The following DSC1 variants were observed in gnomAD, a reference collection of about 807,000 sequenced individuals.
The protein encoded by DSC1 is desmocollin 1, also known as desmocollin-1.
Under a neutral mutation model 98.8 loss-of-function variants are expected in DSC1, and 79 were observed. The ratio of observed to expected loss-of-function variants is 0.80; its 90% confidence interval spans 0.67 to 0.96. The LOEUF is 0.96. DSC1 is among the 50% of genes least tolerant of loss of function. The pLI is 0.00. For missense variants in DSC1, 1,115 were observed against 1,075.9 expected, an observed-to-expected ratio of 1.04 and a Z score of -0.51; for synonymous variants, 405 against 372.1, an observed-to-expected ratio of 1.09 and a Z score of -1.02.
chr18:31,138,916 C>T (rs1376424585), intron 11 of DSC1, among the ~76,000 whole-genome samples: 2 of 151,842 alleles, frequency 1.3e-5, no homozygotes, highest in African/African-American at 2.4e-5. Context: ...GGCAATTTGC[C>T]AAAATTTATG....
At chr18:31,130,871 A>T (rs1235569837) in intron 15 of DSC1, 160 bp from the exon 16 acceptor site, 1 of 1,573,656 alleles carries the variant, frequency 6.4e-7, no homozygotes, top group Non-Finnish European at 8.6e-7. Context: ...ATTGGTCTGT[A>T]TTATAGTCAC....
At position 31,140,170 on chromosome 18, in the gene DSC1, G is replaced by A. The variant is rs757008995; in HGVS notation, c.1392C>T (p.Asp464=). 4 of 1,613,880 alleles carry A rather than the reference G, an allele frequency of 2.5e-6. No individual in the cohort carries two copies. The highest frequency in any genetic ancestry group is 3.4e-6 in the Non-Finnish European group (4 of 1,179,940). The part of the protein sequence containing the change: ...CTTTVTVKII[D]SDEGPECHPP... ...GGTGGCATTCAGGGCCCTCATCACT[G>A]TCTATAATTTTAACGGTGACAGTTG... is the stretch of plus-strand genomic sequence containing the variant. Residue 464 remains aspartate (D), a synonymous_variant, in exon 10 of 16, where the codon GAC becomes GAT. Coordinates refer to ENST00000257198, the MANE Select transcript of DSC1 (RefSeq NM_024421.2).
intron 7 of DSC1, among the ~76,000 whole-genome samples, chr18:31,145,122 T>C (rs2144937299): frequency 6.6e-6 from 1 of 151,926 alleles, no homozygotes; most frequent in African/African-American, 2.4e-5. Flanking sequence ...TTGGATTTTT[T>C]TGGTAGAGAC....
chr18:31,143,824 A>G lies in DSC1; in HGVS notation c.940-33T>C, dbSNP rs760198439. ...AAAGGAAAAAACTACATTAATGAACACTTTTATTTCCTATAACTTGCAATT... is the reference window on the plus strand; with the variant it reads ...AAAGGAAAAAACTACATTAATGAACGCTTTTATTTCCTATAACTTGCAATT... On this transcript the variant is annotated intron_variant, in intron 7 of 15. Transcript: ENST00000257198. 14 of 1,508,200 alleles carry G rather than the reference A, an allele frequency of 9.3e-6. No individual in the cohort carries two copies. The African/African-American group carries it at 1.6e-4, about 17-fold the overall frequency. The allele number at this position is 1,508,200 out of a possible 1,614,324, so 93.4% of individuals were successfully genotyped here.
intron 5 of DSC1, among the ~76,000 whole-genome samples, chr18:31,151,052 T>C (rs1229490994): frequency 1.3e-5 from 2 of 152,228 alleles, no homozygotes; most frequent in African/African-American, 4.8e-5. Context: ...TTAACAAGTC[T>C]CCTTATCCAA....
chr18:31,143,401 G>A (rs1159895993), intron 8 of DSC1, among the ~76,000 whole-genome samples: 1 of 142,572 alleles, frequency 7.0e-6, no homozygotes, highest in Admixed American at 7.3e-5. Flanking sequence ...TAAAATAAAA[G>A]TTTAACACAT....
chr18:31,156,240 A>C, intron 3 of DSC1, 78 bp from the exon 4 acceptor site: 1 of 1,531,974 alleles, frequency 6.5e-7, no homozygotes, highest in African/African-American at 1.4e-5. Flanking sequence ...ACATACATCA[A>C]CAAGCAGATG....
chr18:31,140,820 T>C lies in DSC1; in HGVS notation c.1261-519A>G, dbSNP rs148000223. The stretch of plus-strand genomic sequence containing the variant: ...TGAAAGCGCTTGGTCCTTGATATGG[T>C]TGGCTATGTCCCACCCACATCTCAA... On this transcript the variant is annotated intron_variant, in intron 9 of 15. Transcript: ENST00000257198. Among the ~76,000 whole-genome samples, 16 of 152,356 alleles carry C rather than the reference T, an allele frequency of 1.1e-4. No individual in the cohort carries two copies. The East Asian group carries it at 3.1e-3, about 29-fold the overall frequency.
At chr18:31,133,717 A>G (rs1297230891) in intron 13 of DSC1, among the ~76,000 whole-genome samples, 174 bp downstream of exon 13, 1 of 152,064 alleles carries the variant, frequency 6.6e-6, no homozygotes, top group East Asian at 1.9e-4. Flanking sequence ...TTTAAATTTA[A>G]TCTGCTGTTA....
chr18:31,130,786 G>C (rs556534324), intron 15 of DSC1, 75 bp from the exon 16 acceptor site: 1 of 1,611,610 alleles, frequency 6.2e-7, no homozygotes, highest in East Asian at 2.2e-5. Flanking sequence ...TGATGTCTTT[G>C]ATTTACCTTT....
chr18:31,134,867 T>C, intron 11 of DSC1, 83 bp from the exon 12 acceptor site: 40 of 1,284,872 alleles, frequency 3.1e-5, no homozygotes, highest in Non-Finnish European at 4.3e-5. Context: ...AGTTGACATC[T>C]GCTTTCTACT....
In DSC1 at chr18:31,143,782, T is replaced by A. The variant is rs372924824; in HGVS notation, c.949A>T (p.Thr317Ser). Residue 317 changes from threonine (T) to serine (S), a missense_variant, in exon 8 of 16, where the codon ACT becomes TCT. Transcript: ENST00000257198. The part of the protein sequence containing the change: ...TPFLDREKCD[T>S]YQLIMEVRDM... ...CGCACTTCCATTATTAACTGGTAAG[T>A]ATCACATTTCTGAAAAAAAGGAAAA... The A allele has an allele frequency of 8.8e-5, 138 of 1,573,974 alleles. 2 individuals are homozygous for A. In the South Asian group the frequency reaches 1.5e-3, roughly 17 times the overall value.
At chr18:31,158,657 C>T (rs1989147521) in intron 2 of DSC1, among the ~76,000 whole-genome samples, 1 of 152,004 alleles carries the variant, frequency 6.6e-6, no homozygotes, top group Admixed American at 6.6e-5. Flanking sequence ...CCCACCAAAA[C>T]TGTATTTGAT....
intron 1 of DSC1, 133 bp from the exon 2 acceptor site, chr18:31,159,662 A>T (rs183978465): frequency 5.0e-5 from 43 of 852,640 alleles, no homozygotes; most frequent in Admixed American, 3.8e-4. Flanking sequence ...TACATTTTTA[A>T]TACTCACTTT....
At chr18:31,143,251 G>A (rs913332715) in intron 8 of DSC1, among the ~76,000 whole-genome samples, 12 of 151,878 alleles carry the variant, frequency 7.9e-5, no homozygotes, top group African/African-American at 2.7e-4. Flanking sequence ...TACTGTCTCC[G>A]TAGGCTAGTT....
chr18:31,138,624 A>C (rs1475142610), intron 11 of DSC1, among the ~76,000 whole-genome samples: 1 of 152,068 alleles, frequency 6.6e-6, no homozygotes. Context: ...TATTAAAAAA[A>C]AAAACAAAGG....
chr18:31,142,897 T>C (rs1988765894), intron 8 of DSC1, among the ~76,000 whole-genome samples: 1 of 152,016 alleles, frequency 6.6e-6, no homozygotes, highest in Admixed American at 6.6e-5. Flanking sequence ...AGACTTTCTA[T>C]TTCCTCATAT....
chr18:31,141,005 C>T (rs762359050), intron 9 of DSC1, among the ~76,000 whole-genome samples: 1 of 152,136 alleles, frequency 6.6e-6, no homozygotes, highest in African/African-American at 2.4e-5. Context: ...TTGCTTCTGC[C>T]TCATTCTTCT....
intron 9 of DSC1, among the ~76,000 whole-genome samples, chr18:31,141,013 T>G (rs953027782): frequency 6.6e-6 from 1 of 152,150 alleles, no homozygotes; most frequent in South Asian, 2.1e-4. Flanking sequence ...GCCTCATTCT[T>G]CTCTTGCTGC....
Sources: gnomAD v4.1 joint callset for allele counts (sites outside exome capture counted in the v4.1 genomes callset) on GRCh38, gnomAD v4.1.1 for gene constraint, MANE v1.5 for transcripts, NCBI Gene and HGNC (gene_info 2026-07-23, HGNC 2026-07-21) for gene names.